Variants in HCRTR1 observed in about 807,000 individuals in gnomAD.
The protein encoded by HCRTR1 is hypocretin receptor 1.
A neutral mutation model predicts 40.6 loss-of-function variants in HCRTR1; 28 were observed. The ratio of observed to expected loss-of-function variants is 0.69; its 90% CI spans 0.51 to 0.95. The LOEUF (loss-of-function observed/expected upper bound fraction) is 0.95. Among genes scored for constraint, HCRTR1 ranks in the 40% least tolerant of loss-of-function variants. The probability of loss-of-function intolerance (pLI) is 0.00; values close to 1 mark genes in which losing one functional copy is unlikely to be tolerated. For missense variants in HCRTR1, 482 were observed against 564.7 expected (o/e 0.85, Z 1.48); for synonymous variants, 209 against 230.0 (o/e 0.91, Z 0.83).
chr1:31,618,212 C>A (rs1041795096), intron 1 of HCRTR1: 6 of 152,334 alleles, frequency 3.9e-5, no homozygotes, highest in African/African-American at 1.4e-4. Context: ...CTAGCCCAGC[C>A]GGGGGAAGGA....
Position 31,626,713 on chromosome 1 carries a change from G to T in HCRTR1, c.1088-77G>T. On this transcript the variant is annotated intron_variant, in intron 8 of 8. Coordinates refer to ENST00000403528, the MANE Select transcript of HCRTR1 (RefSeq NM_001525.3). This position sits in a 1 kb window ranked among gnomAD's most constrained non-coding sequence, Gnocchi z 4.6. ...TCATAGGCAGCTTGGCTGGAGCTGCGTGGGTGTCCCTGGGCTCAAGGCCCC... is the reference window on the plus strand; with the variant it reads ...TCATAGGCAGCTTGGCTGGAGCTGCTTGGGTGTCCCTGGGCTCAAGGCCCC... The T allele has an allele frequency of 6.8e-7, 1 of 1,464,706 alleles. No homozygotes were observed. 90.7% of individuals were successfully genotyped at this position (1,464,706 alleles called of 1,614,324 possible).
downstream of HCRTR1, among the ~76,000 whole-genome samples, chr1:31,633,622 A>T (rs982704356): frequency 2.6e-5 from 4 of 152,202 alleles, no homozygotes; most frequent in African/African-American, 9.7e-5. Context: ...AATTCTCTGG[A>T]AAAGGTAAAC....
chr1:31,627,464 A>G lies in HCRTR1; in HGVS notation c.*484A>G. On this transcript the variant is annotated 3_prime_UTR_variant, in exon 9 of 9. Transcript: ENST00000403528. ...GGGCCCAGCCTTTCTCCAGCGGGCC[A>G]CGAGCACAGCCCCACCCTAACCAGG... The G allele has an allele frequency of 1.2e-6, 1 of 839,254 alleles. No individual in the cohort carries two copies. The highest frequency in any genetic ancestry group is 1.7e-6 in the Non-Finnish European group (1 of 578,464). 52.0% of individuals were successfully genotyped at this position (839,254 alleles called of 1,614,324 possible).
downstream of HCRTR1, chr1:31,633,463 A>G: frequency 4.6e-6 from 4 of 872,624 alleles, no homozygotes; most frequent in Non-Finnish European, 6.9e-6. Context: ...CTCTGATGGA[A>G]GAGGACCTTC....
chr1:31,628,636 G>A (rs1640023860), downstream of HCRTR1, among the ~76,000 whole-genome samples: 1 of 152,234 alleles, frequency 6.6e-6, no homozygotes, highest in Non-Finnish European at 1.5e-5. Flanking sequence ...GCAGACACTT[G>A]GTTCAGTGGG....
In HCRTR1 at chr1:31,627,513, C is replaced by T; in HGVS notation, c.*533C>T. On this transcript the variant is annotated 3_prime_UTR_variant, in exon 9 of 9. Transcript: ENST00000403528. ...GGTGCCAAGGGCACACACCACAGACCCGACCTTGTTGGCTTTGTGGTGTGA... is the reference window on the plus strand; with the variant it reads ...GGTGCCAAGGGCACACACCACAGACTCGACCTTGTTGGCTTTGTGGTGTGA... The T allele has an allele frequency of 2.2e-6, 1 of 453,706 alleles. No individual in the cohort carries two copies. Among genetic ancestry groups the T allele is most frequent in the Non-Finnish European group, 3.9e-6 (1 of 254,240 alleles). 28.1% of individuals were successfully genotyped at this position (453,706 alleles called of 1,614,324 possible).
chr1:31,630,549 C>G, downstream of HCRTR1: 6 of 1,455,800 alleles, frequency 4.1e-6, no homozygotes, highest in Non-Finnish European at 5.7e-6. Context: ...TGTCCACATA[C>G]TTCTCTCACT....
At chr1:31,628,537 C>T (rs912812028), downstream of HCRTR1, among the ~76,000 whole-genome samples, 9 of 152,192 alleles carry the variant, frequency 5.9e-5, no homozygotes, top group Non-Finnish European at 1.2e-4. Context: ...CAGAACCAAC[C>T]GTGCTTACAA....
chr1:31,632,663 G>A (rs188164548), downstream of HCRTR1: 1 of 1,610,476 alleles, frequency 6.2e-7, no homozygotes, highest in African/African-American at 1.3e-5. Flanking sequence ...GGAAAGGAGG[G>A]GAGGAAGGCT....
At chr1:31,633,798 A>T (rs576499036), downstream of HCRTR1, among the ~76,000 whole-genome samples, 5 of 152,228 alleles carry the variant, frequency 3.3e-5, no homozygotes, top group African/African-American at 1.2e-4. Context: ...TCTACTAAAA[A>T]TAGAAAATTA....
At chr1:31,632,449 G>C, downstream of HCRTR1, 3 of 1,614,014 alleles carry the variant, frequency 1.9e-6, no homozygotes, top group Non-Finnish European at 2.5e-6. Context: ...GTAAAGAGAA[G>C]AGTCTAGCTC....
rs982714218 is a variant in HCRTR1, at chr1:31,621,015, A to G, written c.551A>G (p.Glu184Gly). The G allele has an allele frequency of 1.2e-6, 2 of 1,613,576 alleles. No individual in the cohort carries two copies. Among genetic ancestry groups the G allele is most frequent in the Admixed American group, 3.3e-5 (2 of 59,992 alleles). The part of the protein sequence containing the change: ...AIMVPQAAVM[E>G]CSSVLPELAN... ...ATGGTGCCCCAGGCTGCAGTCATGGAATGCAGCAGTGTGCTGCCTGAGCTA... is the reference window on the plus strand; with the variant it reads ...ATGGTGCCCCAGGCTGCAGTCATGGGATGCAGCAGTGTGCTGCCTGAGCTA... The change falls in exon 5 of 9, where the codon GAA becomes GGA. Residue 184 changes from glutamate to glycine, a missense_variant. Physicochemically the swap from Glu to Gly is moderately conservative, Grantham distance 98. Coordinates refer to ENST00000403528, the MANE Select transcript of HCRTR1 (RefSeq NM_001525.3).
chr1:31,623,850 TG>T, intron 7 of HCRTR1, 101 bp downstream of exon 7: 1 of 835,808 alleles, frequency 1.2e-6, no homozygotes, highest in Non-Finnish European at 1.9e-6. Flanking sequence ...TTCTCCACTA[TG>T]TGATCTTGGG....
downstream of HCRTR1, chr1:31,630,380 C>G: frequency 1.8e-6 from 1 of 549,766 alleles, no homozygotes; most frequent in Non-Finnish European, 3.3e-6. Context: ...TCAGGACATT[C>G]AACTTCTATC....
At chr1:31,628,090 G>A (rs887004624), downstream of HCRTR1, among the ~76,000 whole-genome samples, 16 of 152,230 alleles carry the variant, frequency 1.1e-4, 1 homozygote, top group South Asian at 6.2e-4. Flanking sequence ...GACGTGGAGT[G>A]CAGCCTGAAG....
chr1:31,630,694 C>T, downstream of HCRTR1: 1 of 1,614,026 alleles, frequency 6.2e-7, no homozygotes, highest in East Asian at 2.2e-5. Flanking sequence ...TGTCCTTCTC[C>T]CGGAAGGCCT....
chr1:31,628,376 C>T (rs192959785), downstream of HCRTR1, among the ~76,000 whole-genome samples: 7 of 152,346 alleles, frequency 4.6e-5, no homozygotes, highest in East Asian at 5.8e-4. Flanking sequence ...TCTCTGTGGA[C>T]GGGGCAGAGC....
At chr1:31,632,449 G>T (rs751384507), downstream of HCRTR1, 15 of 1,613,896 alleles carry the variant, frequency 9.3e-6, no homozygotes, top group East Asian at 6.7e-5. Flanking sequence ...GTAAAGAGAA[G>T]AGTCTAGCTC....
At chr1:31,628,360 C>T (rs768245485), downstream of HCRTR1, among the ~76,000 whole-genome samples, 10 of 152,238 alleles carry the variant, frequency 6.6e-5, no homozygotes, top group Non-Finnish European at 1.2e-4. Context: ...GACTTACCAG[C>T]CCAGCTCTCT....
Sources: gnomAD v4.1 joint callset for allele counts (sites outside exome capture counted in the v4.1 genomes callset) on GRCh38, gnomAD v4.1.1 for gene constraint, Gnocchi (gnomAD v3.1) non-coding constraint, MANE v1.5 for transcripts, NCBI Gene and HGNC (gene_info 2026-07-23, HGNC 2026-07-21) for gene names.